DRC11: variants seen among roughly 807,000 people sequenced by gnomAD.
DRC11 encodes the protein dynein regulatory complex subunit 11.
the DRC11 span, among the ~76,000 whole-genome samples, chr2:236,345,323 C>A: frequency 9.3e-4 from 141 of 152,306 alleles, no homozygotes; most frequent in Non-Finnish European, 1.5e-3. Context: ...CCCACCCCCC[C>A]CAACCGCTCC....
chr2:236,493,638 G>A, the DRC11 span: 219 of 706,438 alleles, frequency 3.1e-4, no homozygotes, highest in East Asian at 5.9e-3. Flanking sequence ...CTTATGTACT[G>A]TATAACGAGG....
At chr2:236,382,896 G>C in the DRC11 span, among the ~76,000 whole-genome samples, 12 of 152,114 alleles carry the variant, frequency 7.9e-5, no homozygotes, top group African/African-American at 2.9e-4. Context: ...CCTTATAATA[G>C]TTTTAGATTT....
the DRC11 span, among the ~76,000 whole-genome samples, chr2:236,377,696 G>A: frequency 7.2e-5 from 11 of 152,266 alleles, no homozygotes; most frequent in African/African-American, 2.4e-4. The surrounding 1 kb of genome is among the most constrained non-coding windows in gnomAD (Gnocchi z 4.9). Flanking sequence ...AAGATAAAAC[G>A]TCTAAAGCAA....
chr2:236,382,679 G>A, the DRC11 span, among the ~76,000 whole-genome samples: 1 of 152,060 alleles, frequency 6.6e-6, no homozygotes, highest in Non-Finnish European at 1.5e-5. Context: ...TTACACATAT[G>A]TATTTCATTT....
At chr2:236,450,927 T>C in the DRC11 span, among the ~76,000 whole-genome samples, 1 of 152,234 alleles carries the variant, frequency 6.6e-6, no homozygotes, top group African/African-American at 2.4e-5. Flanking sequence ...GTTCAATAAA[T>C]AATCCTGTTG....
chr2:236,392,377 G>T, the DRC11 span: 3 of 1,309,820 alleles, frequency 2.3e-6, no homozygotes, highest in Non-Finnish European at 3.1e-6. The surrounding 1 kb of genome is among the most constrained non-coding windows in gnomAD (Gnocchi z 5.1). Flanking sequence ...TAAAGAAAAA[G>T]AAAAAGAAAA....
chr2:236,411,067 G>A, the DRC11 span, among the ~76,000 whole-genome samples: 2 of 141,904 alleles, frequency 1.4e-5, no homozygotes, highest in Non-Finnish European at 3.1e-5. Flanking sequence ...AAACTAAAGA[G>A]CTTCTGCACA....
chr2:236,357,767 C>A, the DRC11 span, among the ~76,000 whole-genome samples: 4 of 122,174 alleles, frequency 3.3e-5, no homozygotes, highest in East Asian at 9.6e-4. Flanking sequence ...TATACATATA[C>A]TATGTAAATA....
At chr2:236,341,040 C>T in the DRC11 span, among the ~76,000 whole-genome samples, 14 of 152,196 alleles carry the variant, frequency 9.2e-5, no homozygotes, top group Non-Finnish European at 1.9e-4. Flanking sequence ...CCGCCCCTAC[C>T]GCGGGGCCTG....
At chr2:236,464,466 T>C in the DRC11 span, among the ~76,000 whole-genome samples, 1 of 152,212 alleles carries the variant, frequency 6.6e-6, no homozygotes, top group South Asian at 2.1e-4. Flanking sequence ...AAATCTCTTC[T>C]AATTAGGTTA....
At chr2:236,380,362 A>G in the DRC11 span, among the ~76,000 whole-genome samples, 4 of 152,264 alleles carry the variant, frequency 2.6e-5, no homozygotes, top group East Asian at 3.9e-4. The surrounding 1 kb of genome is among the most constrained non-coding windows in gnomAD (Gnocchi z 4.9). Context: ...ATGACGTCAG[A>G]AGCCATGGGG....
the DRC11 span, among the ~76,000 whole-genome samples, chr2:236,500,727 A>G: frequency 6.6e-6 from 1 of 152,182 alleles, no homozygotes; most frequent in Non-Finnish European, 1.5e-5. The surrounding 1 kb of genome is among the most constrained non-coding windows in gnomAD (Gnocchi z 6.3). Flanking sequence ...TTTGAGATGC[A>G]GTTTCGTTCT....
chr2:236,443,872 T>TAATC, the DRC11 span, among the ~76,000 whole-genome samples: 1 of 152,220 alleles, frequency 6.6e-6, no homozygotes, highest in Non-Finnish European at 1.5e-5. This position sits in a 1 kb window ranked among gnomAD's most constrained non-coding sequence, Gnocchi z 4.4. Flanking sequence ...GACTCTTTTA[T>TAATC]AATCACCATT....
chr2:236,345,185 G>A, the DRC11 span, among the ~76,000 whole-genome samples: 2 of 152,206 alleles, frequency 1.3e-5, no homozygotes, highest in South Asian at 2.1e-4. Context: ...GGCTGTAAAC[G>A]CGCTTCCCTC....
At chr2:236,348,797 C>T in the DRC11 span, among the ~76,000 whole-genome samples, 1 of 152,160 alleles carries the variant, frequency 6.6e-6, no homozygotes. This position sits in a 1 kb window ranked among gnomAD's most constrained non-coding sequence, Gnocchi z 7.4. Flanking sequence ...TATGCACTGG[C>T]TTATGCACAG....
At chr2:236,363,789 T>G in the DRC11 span, 38 of 1,611,776 alleles carry the variant, frequency 2.4e-5, no homozygotes, top group Middle Eastern at 4.9e-4. This position sits in a 1 kb window ranked among gnomAD's most constrained non-coding sequence, Gnocchi z 5.6. Flanking sequence ...CCTTGAAGAC[T>G]GCATGCAGCA....
the DRC11 span, among the ~76,000 whole-genome samples, chr2:236,393,309 C>T: frequency 6.6e-6 from 1 of 152,160 alleles, no homozygotes; most frequent in African/African-American, 2.4e-5. The surrounding 1 kb of genome is among the most constrained non-coding windows in gnomAD (Gnocchi z 4.7). Context: ...GGCTCCCAAC[C>T]TCTAAGGGAC....
chr2:236,349,075 T>C, the DRC11 span, among the ~76,000 whole-genome samples: 5 of 152,266 alleles, frequency 3.3e-5, no homozygotes, highest in African/African-American at 1.2e-4. The surrounding 1 kb of genome is among the most constrained non-coding windows in gnomAD (Gnocchi z 5.5). Flanking sequence ...GTATCCACCC[T>C]TGTCTCATTC....
chr2:236,347,272 G>T, the DRC11 span, among the ~76,000 whole-genome samples: 2 of 152,062 alleles, frequency 1.3e-5, no homozygotes, highest in African/African-American at 4.8e-5. Context: ...TACACTGCTG[G>T]TGGGAATGTA....
Sources: allele counts gnomAD v4.1 joint callset (sites outside exome capture counted in the v4.1 genomes callset), GRCh38; gene constraint gnomAD v4.1.1; non-coding constraint Gnocchi (gnomAD v3.1); transcripts MANE v1.5; gene names NCBI Gene and HGNC (gene_info 2026-07-23, HGNC 2026-07-21).